SECISBP2L: variants seen among roughly 807,000 people sequenced by gnomAD.
SECISBP2L encodes the protein SECIS binding protein 2 like.
In SECISBP2L, 43 loss-of-function variants were observed where a neutral mutation model predicts 114.7. That is an observed-to-expected ratio of 0.38 (90% CI 0.29 to 0.48). The LOEUF is 0.48. Ranked by LOEUF, SECISBP2L falls within the 20% of genes least tolerant of loss-of-function variation. The probability of loss-of-function intolerance (pLI) is 0.98; values close to 1 mark genes in which losing one functional copy is unlikely to be tolerated. For synonymous variants in SECISBP2L, 451 were observed against 439.7 expected (o/e 1.03, Z -0.32); for missense variants, 1,136 against 1,301.1 (o/e 0.87, Z 1.95).
In SECISBP2L at chr15:48,991,100, C is replaced by G. The variant is rs1219113178; in HGVS notation, c.*1144G>C. The G allele has an allele frequency of 6.6e-6, 1 of 152,182 alleles. No individual in the cohort carries two copies. Among genetic ancestry groups the G allele is most frequent in the Admixed American group, 6.5e-5 (1 of 15,284 alleles). The allele number at this position is 152,182 out of a possible 1,614,324, so 9.4% of individuals were successfully genotyped here. On this transcript the variant is annotated 3_prime_UTR_variant, in exon 18 of 18. Transcript: ENST00000559471. ...TACATATCTGTATACTCTAAATCAT[C>G]TAATAGTTTCAGCACAATTAGAACA...
intron 7 of SECISBP2L, among the ~76,000 whole-genome samples, chr15:49,026,718 G>C (rs973188255): frequency 1.3e-5 from 2 of 152,168 alleles, no homozygotes; most frequent in Admixed American, 6.5e-5. Flanking sequence ...ATAGTCATAT[G>C]ATAGTTTTAA....
At position 48,992,831 on chromosome 15, in the gene SECISBP2L, G is replaced by T. The variant is rs984985320; in HGVS notation, c.2719C>A (p.Pro907Thr). Residue 907 changes from proline (P) to threonine (T), a missense_variant, in exon 18 of 18, where the codon CCC (proline) becomes ACC (threonine). This residue lies in a region of SECISBP2L where 684 missense variants were observed against 848.7 expected (regional missense o/e 0.81). Coordinates refer to ENST00000559471, the MANE Select transcript of SECISBP2L (RefSeq NM_001193489.2). ...GGTGTGTCAAATGGAAGTTTACTGG[G>T]TTTTTCAGAAGTGCTGTGCTTACAG... ...VSCKHSTSEK[P>T]SKLPFDTPPI... The T allele has an allele frequency of 1.2e-6, 2 of 1,613,982 alleles. No homozygotes were observed. The highest frequency in any genetic ancestry group is 1.7e-6 in the Non-Finnish European group (2 of 1,180,010).
intron 14 of SECISBP2L, among the ~76,000 whole-genome samples, chr15:49,002,883 T>C (rs767945209): frequency 2.0e-5 from 3 of 152,240 alleles, no homozygotes; most frequent in Non-Finnish European, 4.4e-5. Context: ...TCAGGTAGTG[T>C]AATGCCTCCA....
intron 14 of SECISBP2L, among the ~76,000 whole-genome samples, chr15:49,003,710 T>C (rs376529119): frequency 4.6e-5 from 7 of 152,332 alleles, no homozygotes; most frequent in African/African-American, 1.7e-4. Flanking sequence ...GTGAGTTTTA[T>C]CATTGGATCT....
intron 7 of SECISBP2L, among the ~76,000 whole-genome samples, chr15:49,022,652 G>A (rs900582983): frequency 2.6e-5 from 4 of 152,070 alleles, no homozygotes; most frequent in Non-Finnish European, 2.9e-5. Flanking sequence ...ATAGAAAGGT[G>A]ACACATCATA....
rs538584620 is a variant in SECISBP2L at position 49,024,361 on chromosome 15, T to G, written c.1035+3004A>C. Among the ~76,000 whole-genome samples the G allele has an allele frequency of 1.7e-3, 263 of 151,826 alleles. 2 individuals are homozygous for G. The highest frequency in any genetic ancestry group is 6.2e-3 in the African/African-American group (256 of 41,418). On this transcript the variant is annotated intron_variant, in intron 7 of 17. Coordinates refer to ENST00000559471, the MANE Select transcript of SECISBP2L (RefSeq NM_001193489.2). ...AAATACAAAAATTACCCACATGTGG[T>G]GGCGGGCACCTGTAATCCCAGCTAC...
At chr15:49,000,061 G>A (rs1338089334) in intron 15 of SECISBP2L, 74 bp from the exon 16 acceptor site, 13 of 1,492,658 alleles carry the variant, frequency 8.7e-6, no homozygotes, top group Non-Finnish European at 1.8e-6. Flanking sequence ...GATAGCTAAA[G>A]CATAAAACAT....
chr15:49,022,211 G>T (rs1902651888), intron 7 of SECISBP2L, among the ~76,000 whole-genome samples: 1 of 152,052 alleles, frequency 6.6e-6, no homozygotes, highest in African/African-American at 2.4e-5. Flanking sequence ...TCAAACTCCT[G>T]GGCTCAAGCG....
chr15:49,045,038 G>A (rs1233812324), intron 1 of SECISBP2L, among the ~76,000 whole-genome samples: 2 of 152,046 alleles, frequency 1.3e-5, no homozygotes, highest in African/African-American at 4.8e-5. Flanking sequence ...CTAGATACAG[G>A]CTGTATACAG....
chr15:49,023,027 C>CAAAAAAA (rs34101036), intron 7 of SECISBP2L, among the ~76,000 whole-genome samples: 1 of 146,230 alleles, frequency 6.8e-6, no homozygotes. Context: ...TAGAAGCCAT[C>CAAAAAAA]AAAAAAAAAA....
chr15:49,009,109 T>TGG, intron 14 of SECISBP2L, 107 bp downstream of exon 14: 2 of 1,202,088 alleles, frequency 1.7e-6, no homozygotes, highest in Non-Finnish European at 2.3e-6. Flanking sequence ...TAAAGATCTC[T>TGG]GGTCTTTTGT....
chr15:49,017,889 C>T (rs1172564170), intron 8 of SECISBP2L: 1 of 288,640 alleles, frequency 3.5e-6, no homozygotes, highest in African/African-American at 2.2e-5. Context: ...ATAATTCTAC[C>T]TTCAGATGGG....
Position 49,001,018 on chromosome 15 carries a change from G to A in SECISBP2L, c.2107C>T (p.Arg703Cys), listed in dbSNP as rs983022387. The A allele has an allele frequency of 8.1e-6, 13 of 1,613,556 alleles. No individual in the cohort carries two copies. The highest frequency in any genetic ancestry group is 3.3e-4 in the Middle Eastern group (2 of 6,084). ...LLQELVSFQE[R>C]IYQKDPVRAK... is the part of the protein sequence containing the mutation. ...CTTACAGGATCTTTTTGGTAGATGCGTTCCTGGAAACTGACAAGCTCTTGG... is the reference window on the plus strand; with the variant it reads ...CTTACAGGATCTTTTTGGTAGATGCATTCCTGGAAACTGACAAGCTCTTGG... Residue 703 changes from arginine (R) to cysteine (C), a missense_variant, in exon 15 of 18, where the codon CGC becomes TGC. By Grantham distance (180) the Arg-to-Cys change is radical. Coordinates refer to ENST00000559471, the MANE Select transcript of SECISBP2L (RefSeq NM_001193489.2).
intron 3 of SECISBP2L, among the ~76,000 whole-genome samples, chr15:49,033,715 T>G (rs1219585775): frequency 3.9e-5 from 6 of 151,996 alleles, no homozygotes; most frequent in Non-Finnish European, 7.4e-5. Flanking sequence ...ATCGGTAGTC[T>G]TAGCTACCCA....
intron 1 of SECISBP2L, among the ~76,000 whole-genome samples, chr15:49,044,379 T>C (rs1399806351): frequency 6.6e-6 from 1 of 152,192 alleles, no homozygotes; most frequent in Non-Finnish European, 1.5e-5. Context: ...TTAATGGTTC[T>C]TAGCCGTCCT....
At chr15:49,045,953 A>T (rs1186545036) in intron 1 of SECISBP2L, among the ~76,000 whole-genome samples, 1 of 152,200 alleles carries the variant, frequency 6.6e-6, no homozygotes, top group African/African-American at 2.4e-5. Flanking sequence ...GAATGGGGGA[A>T]GCGGGGAGAC....
intron 1 of SECISBP2L, among the ~76,000 whole-genome samples, chr15:49,038,657 C>T (rs79040073): frequency 0.19 from 29,183 of 151,960 alleles, 3,467 homozygotes; most frequent in Middle Eastern, 0.3. Flanking sequence ...TCAAGCTGTA[C>T]ATTGGTTTTA....
chr15:49,037,388 A>G (rs1903032668), intron 2 of SECISBP2L: 1 of 460,192 alleles, frequency 2.2e-6, no homozygotes, highest in Non-Finnish European at 3.8e-6. Flanking sequence ...TGAAGGAGAC[A>G]TAGCCTAAGA....
At chr15:49,014,759 ATAATT>A (rs1284184612) in intron 11 of SECISBP2L, among the ~76,000 whole-genome samples, 4 of 148,438 alleles carry the variant, frequency 2.7e-5, no homozygotes, top group African/African-American at 9.8e-5. Context: ...ATATAGTTAT[ATAATT>A]TATAGTAATT....
Sources: allele counts gnomAD v4.1 joint callset (sites outside exome capture counted in the v4.1 genomes callset), GRCh38; gene constraint gnomAD v4.1.1; regional missense constraint gnomAD v4.1.1; transcripts MANE v1.5; gene names NCBI Gene and HGNC (gene_info 2026-07-23, HGNC 2026-07-21).